The following TCL1A variants were observed in gnomAD, a reference collection of about 807,000 sequenced individuals.
The protein encoded by TCL1A is T-cell leukemia/lymphoma protein 1A.
In TCL1A, 9 loss-of-function variants were observed where a neutral mutation model predicts 16.9. The observed-to-expected ratio is 0.53, with a 90% CI of 0.32 to 0.93. The LOEUF (loss-of-function observed/expected upper bound fraction) is 0.93. Among genes scored for constraint, TCL1A ranks in the 40% least tolerant of loss-of-function variants. TCL1A has a pLI of 0.04. For missense variants in TCL1A, 139 were observed against 153.0 expected, an observed-to-expected ratio of 0.91 and a Z score of 0.48; for synonymous variants, 69 against 63.2, an observed-to-expected ratio of 1.09 and a Z score of -0.44.
intron 1 of TCL1A, 122 bp downstream of exon 1, chr14:95,713,825 A>G: frequency 6.8e-7 from 1 of 1,461,456 alleles, no homozygotes; most frequent in East Asian, 2.3e-5. Context: ...AAGTGGCTTC[A>G]TCTGTGGGGA....
Position 95,712,408 on chromosome 14 carries a change from AAAAGGAC to A in TCL1A, c.121-19_121-13del, listed in dbSNP as rs764210697. ...AACCTATCCTTTATCTGAGGAGAAG[AAAAGGAC>A]AGGGCATACTTTCAGGTTCCGCTTG... On this transcript the variant is annotated splice_polypyrimidine_tract_variant and intron_variant, in intron 1 of 3. Coordinates refer to ENST00000402399, the MANE Select transcript of TCL1A (RefSeq NM_021966.3). 6.3e-7 allele frequency: 1 copy of A among 1,592,356 alleles called. No individual in the cohort carries two copies. The highest frequency in any genetic ancestry group is 2.3e-5 in the East Asian group (1 of 44,438).
At chr14:95,713,141 G>A (rs1821015400) in intron 1 of TCL1A, among the ~76,000 whole-genome samples, 1 of 152,152 alleles carries the variant, frequency 6.6e-6, no homozygotes, top group African/African-American at 2.4e-5. Flanking sequence ...TTACCTACTA[G>A]CAATCTTACC....
intron 1 of TCL1A, among the ~76,000 whole-genome samples, chr14:95,713,269 C>T (rs1666452138): frequency 6.6e-6 from 1 of 152,104 alleles, no homozygotes; most frequent in African/African-American, 2.4e-5. Context: ...AATTTTTATG[C>T]TTTCTTCAGT....
intron 1 of TCL1A, chr14:95,712,847 C>CA (rs1426426028): frequency 9.5e-6 from 4 of 422,426 alleles, no homozygotes; most frequent in South Asian, 6.1e-5. Flanking sequence ...TGATGTGAGG[C>CA]AAAATCTGTC....
rs117430118 is a variant in TCL1A, at chr14:95,711,891, A to C, written c.298-89T>G. The C allele has an allele frequency of 3.9e-6, 6 of 1,528,154 alleles. No individual in the cohort carries two copies. The East Asian group carries it at 1.1e-4, about 29-fold the overall frequency. The allele number at this position is 1,528,154 out of a possible 1,614,324, so 94.7% of individuals were successfully genotyped here. ...ACTCCTGCGCCTTCCCCTAGCTGGA[A>C]ACAGCAGGTAGGAACCCAGGTGTGA... On this transcript the variant is annotated intron_variant, in intron 2 of 3. Coordinates refer to ENST00000402399, the MANE Select transcript of TCL1A (RefSeq NM_021966.3).
At chr14:95,713,463 T>A (rs1263411203) in intron 1 of TCL1A, among the ~76,000 whole-genome samples, 1 of 152,296 alleles carries the variant, frequency 6.6e-6, no homozygotes. Flanking sequence ...CGACATCACT[T>A]GTTAAATTTG....
intron 3 of TCL1A, 195 bp downstream of exon 3, chr14:95,711,554 G>T (rs1886354498): frequency 1.7e-6 from 1 of 582,178 alleles, no homozygotes; most frequent in Admixed American, 3.0e-5. Flanking sequence ...GATAAAGGGG[G>T]CTGCCTACAA....
chr14:95,710,345 C>A lies in TCL1A; in HGVS notation c.*543G>T. 6.7e-6 allele frequency: 1 copy of A among 149,616 alleles called. No individual in the cohort carries two copies. The highest frequency in any genetic ancestry group is 1.5e-5 in the Non-Finnish European group (1 of 68,822). The allele number at this position is 149,616 out of a possible 1,614,324, so 9.3% of individuals were successfully genotyped here. The stretch of plus-strand genomic sequence containing the variant: ...TGAGCTGCACGTGAACCTGTGTGGG[C>A]AGGCAGCGTTTGCAGGCGTGTTTAC... On this transcript the variant is annotated 3_prime_UTR_variant, in exon 4 of 4. Transcript: ENST00000402399.
chr14:95,713,370 A>C (rs1886430562), intron 1 of TCL1A, among the ~76,000 whole-genome samples: 1 of 152,380 alleles, frequency 6.6e-6, no homozygotes, highest in African/African-American at 2.4e-5. Context: ...TCTTTAACAA[A>C]AACTTAACAT....
chr14:95,712,005 G>C, intron 2 of TCL1A: 1 of 867,932 alleles, frequency 1.2e-6, no homozygotes, highest in South Asian at 1.7e-5. Flanking sequence ...GCGGCTAGCT[G>C]GTGGCTGGGA....
rs749386790 is a variant in TCL1A at position 95,713,952 on chromosome 14, T to G, written c.115A>C (p.Ile39Leu). 2 of 1,613,686 alleles carry G rather than the reference T, an allele frequency of 1.2e-6. No homozygotes were observed. Among genetic ancestry groups the G allele is most frequent in the South Asian group, 1.1e-5 (1 of 91,068 alleles). ...EKQHAWLPLT[I>L]EIKDRLQLRV... is the part of the protein sequence containing the mutation. ...CGCTCCAAAGCTGGCTGTACCTCGA[T>G]GGTTAAGGGCAGCCAGGCGTGCTGC... Residue 39 changes from isoleucine to leucine, a missense_variant, in exon 1 of 4, where the codon ATC (isoleucine) becomes CTC (leucine). By Grantham distance (5) the Ile-to-Leu change is conservative. Coordinates refer to ENST00000402399, the MANE Select transcript of TCL1A (RefSeq NM_021966.3).
rs751325443 is a variant in TCL1A, at chr14:95,712,772, TATCTAC to T, written c.121-382_121-377del. On this transcript the variant is annotated intron_variant, in intron 1 of 3. Coordinates refer to ENST00000402399, the MANE Select transcript of TCL1A (RefSeq NM_021966.3). ...GCCTGGGTCACAGAGCGAGACCCTG[TATCTAC>T]AGGAAAAAAAAAAAACAACAAAGAA... 46 of 904,520 alleles carry T rather than the reference TATCTAC, an allele frequency of 5.1e-5. No homozygotes were observed. In the Middle Eastern group the frequency reaches 2.1e-3, roughly 41 times the overall value. The allele number at this position is 904,520 out of a possible 1,614,324, so 56.0% of individuals were successfully genotyped here.
intron 1 of TCL1A, among the ~76,000 whole-genome samples, chr14:95,713,693 T>A (rs183644040): frequency 6.6e-6 from 1 of 152,300 alleles, no homozygotes; most frequent in African/African-American, 2.4e-5. Flanking sequence ...CCTGCTGTAG[T>A]CAACATTATA....
intron 3 of TCL1A, among the ~76,000 whole-genome samples, chr14:95,711,226 G>A (rs1365781118): frequency 6.6e-6 from 1 of 151,008 alleles, no homozygotes; most frequent in Non-Finnish European, 1.5e-5. Context: ...TTGGGAGGCC[G>A]AGGCGGGCAG....
chr14:95,711,929 C>T (rs1886366957), intron 2 of TCL1A, 127 bp from the exon 3 acceptor site: 2 of 1,195,486 alleles, frequency 1.7e-6, no homozygotes, highest in Non-Finnish European at 2.3e-6. Context: ...ATTTCAGGGG[C>T]TCTTGGAGAC....
In TCL1A at chr14:95,714,087, G is replaced by C. The variant is rs768365954; in HGVS notation, c.-21C>G. 5.0e-6 allele frequency: 8 copies of C among 1,612,406 alleles called. No individual in the cohort carries two copies. Among genetic ancestry groups the C allele is most frequent in the African/African-American group, 2.7e-5 (2 of 74,946 alleles). ...GCCATGGCGTCCTCGGGCCGCCTAA[G>C]AAGCAAGAGCCAGAGCCTCTCAAGG... On this transcript the variant is annotated 5_prime_UTR_variant, in exon 1 of 4. Coordinates refer to ENST00000402399, the MANE Select transcript of TCL1A (RefSeq NM_021966.3).
chr14:95,712,559 G>A, intron 1 of TCL1A, 163 bp from the exon 2 acceptor site: 1 of 1,477,794 alleles, frequency 6.8e-7, no homozygotes, highest in Non-Finnish European at 8.9e-7. Flanking sequence ...ACTTCCTTAG[G>A]CCATGCATGC....
chr14:95,711,693 T>G (rs1273203503), intron 3 of TCL1A, 56 bp downstream of exon 3: 2 of 1,593,970 alleles, frequency 1.3e-6, no homozygotes, highest in Non-Finnish European at 1.7e-6. Context: ...GGGGTGGTCT[T>G]TCTTTCTGAT....
chr14:95,713,726 TCCACC>T (rs997812785), intron 1 of TCL1A, among the ~76,000 whole-genome samples: 1 of 152,168 alleles, frequency 6.6e-6, no homozygotes, highest in Non-Finnish European at 1.5e-5. Context: ...AGGCACTGGG[TCCACC>T]CCTTTGACCG....
Sources: allele counts gnomAD v4.1 joint callset (sites outside exome capture counted in the v4.1 genomes callset), GRCh38; gene constraint gnomAD v4.1.1; transcripts MANE v1.5; gene names NCBI Gene and HGNC (gene_info 2026-07-23, HGNC 2026-07-21).